Variants in NBEA observed in about 807,000 individuals in gnomAD.
NBEA encodes the protein neurobeachin.
Under a neutral mutation model 343.4 loss-of-function variants are expected in NBEA, and 44 were observed. The observed-to-expected ratio is 0.13, with a 90% CI of 0.10 to 0.16. The LOEUF (loss-of-function observed/expected upper bound fraction) is 0.16. Among genes scored for constraint, NBEA ranks in the 10% least tolerant of loss-of-function variants. NBEA has a pLI of 1.00. For missense variants in NBEA, 2,555 were observed against 3,631.3 expected, an observed-to-expected ratio of 0.70 and a Z score of 7.62; for synonymous variants, 1,175 against 1,238.7, an observed-to-expected ratio of 0.95 and a Z score of 1.08.
At chr13:35,230,034 C>G (rs1243116968) in intron 33 of NBEA, among the ~76,000 whole-genome samples, 1 of 151,810 alleles carries the variant, frequency 6.6e-6, no homozygotes, top group African/African-American at 2.4e-5. Context: ...ATTCTTTGCC[C>G]CCTATTAGAA....
intron 35 of NBEA, among the ~76,000 whole-genome samples, chr13:35,308,542 A>ATATATGTATATATG (rs1555361137): frequency 1.2e-5 from 1 of 81,946 alleles, no homozygotes; most frequent in Non-Finnish European, 2.5e-5. Context: ...GTATATATGT[A>ATATATGTATATATG]TATATATGTA....
At chr13:35,108,652 C>T (rs1349250298) in intron 11 of NBEA, among the ~76,000 whole-genome samples, 1 of 152,044 alleles carries the variant, frequency 6.6e-6, no homozygotes, top group African/African-American at 2.4e-5. Flanking sequence ...TCAATGGCCA[C>T]ATAGGGCTTC....
intron 41 of NBEA, among the ~76,000 whole-genome samples, chr13:35,505,293 T>C (rs2077034735): frequency 6.6e-6 from 1 of 152,184 alleles, no homozygotes; most frequent in Non-Finnish European, 1.5e-5. Context: ...AGCTAACTAT[T>C]ATTTCAATGA....
At chr13:35,476,385 C>G in intron 41 of NBEA, 1 of 1,157,518 alleles carries the variant, frequency 8.6e-7, no homozygotes, top group Admixed American at 2.0e-5. Context: ...TGAGCCCAGC[C>G]GTTCTTAAAG....
At chr13:35,425,794 A>C (rs946488831) in intron 38 of NBEA, among the ~76,000 whole-genome samples, 2 of 152,174 alleles carry the variant, frequency 1.3e-5, no homozygotes, top group African/African-American at 4.8e-5. Flanking sequence ...GTCTCTTTGT[A>C]GGTCACTAAG....
rs1014627015 is a variant in NBEA at position 35,171,300 on chromosome 13, A to G, written c.4271A>G (p.Gln1424Arg). ...KTELENIEVT[Q>R]GMSAETAVTF... ...GAATTGGAAAATATTGAAGTGACAC[A>G]AGGCATGTCAGCTGAGACAGCAGTA... The change falls in exon 26 of 59, where the codon CAA becomes CGA. Residue 1424 changes from glutamine (Q) to arginine (R), a missense_variant. Physicochemically the swap from Gln to Arg is conservative, Grantham distance 43. Around this residue, in one of 21 missense-constraint regions of NBEA, gnomAD observed 168 missense variants for 193.0 expected, o/e 0.87. Coordinates refer to ENST00000379939, the MANE Select transcript of NBEA (RefSeq NM_001385012.1). The G allele has an allele frequency of 1.7e-5, 28 of 1,611,948 alleles. No individual in the cohort carries two copies. The highest frequency in any genetic ancestry group is 2.4e-5 in the Non-Finnish European group (28 of 1,178,606).
At chr13:35,170,359 C>T (rs1204032871) in intron 25 of NBEA, among the ~76,000 whole-genome samples, 2 of 151,732 alleles carry the variant, frequency 1.3e-5, no homozygotes, top group Non-Finnish European at 3.0e-5. Flanking sequence ...TGTCCATTTT[C>T]AGAAAATTTA....
chr13:35,373,817 G>A (rs920021235), intron 38 of NBEA, among the ~76,000 whole-genome samples: 2 of 152,062 alleles, frequency 1.3e-5, no homozygotes, highest in Non-Finnish European at 2.9e-5. Context: ...TCATCTTCAT[G>A]TTGAGTAGGC....
intron 41 of NBEA, among the ~76,000 whole-genome samples, chr13:35,529,723 A>G (rs900675495): frequency 1.3e-5 from 2 of 152,144 alleles, no homozygotes; most frequent in Admixed American, 1.3e-4. Flanking sequence ...CCCTCGTGTC[A>G]AGTTGTATAG....
chr13:35,107,403 C>CATTGTGCTTATGTAGTAAGCACAAA (rs1415124012), intron 11 of NBEA, among the ~76,000 whole-genome samples: 3 of 151,834 alleles, frequency 2.0e-5, no homozygotes, highest in South Asian at 2.1e-4. Context: ...TAGTAAGCAC[C>CATTGTGCTTATGTAGTAAGCACAAA]ATTGGTAATT....
intron 40 of NBEA, among the ~76,000 whole-genome samples, chr13:35,459,039 T>A: frequency 1.7e-5 from 2 of 120,342 alleles, no homozygotes; most frequent in South Asian, 3.1e-4. Context: ...ACACACACAC[T>A]TACCAAGTTA....
Position 35,352,285 on chromosome 13 carries a change from C to T in NBEA, c.6141C>T (p.Leu2047=). ...NQLKQKILNI[L]TNKHGAWGAV... ...TGAAACAGAAGATTCTCAATATTCT[C>T]ACAAATAAACATGGTGCTTGGGGAG... The change falls in exon 38 of 59, where the codon CTC becomes CTT. Residue 2047 remains leucine, a synonymous_variant. Transcript: ENST00000379939. The T allele has an allele frequency of 1.3e-6, 2 of 1,539,334 alleles. No individual in the cohort carries two copies. The highest frequency in any genetic ancestry group is 4.8e-5 in the East Asian group (2 of 41,730).
At chr13:35,498,073 T>C (rs1312422640) in intron 41 of NBEA, among the ~76,000 whole-genome samples, 2 of 152,038 alleles carry the variant, frequency 1.3e-5, no homozygotes, top group Admixed American at 6.6e-5. Flanking sequence ...TTAAAGGTCA[T>C]ATGTACCAAA....
intron 1 of NBEA, among the ~76,000 whole-genome samples, chr13:35,008,753 A>G (rs1928526): frequency 0.81 from 122,912 of 152,144 alleles, 51,018 homozygotes; most frequent in Non-Finnish European, 0.9. Context: ...AAATGGAATC[A>G]TACAATATGG....
intron 38 of NBEA, among the ~76,000 whole-genome samples, chr13:35,417,293 G>C (rs988438964): frequency 1.3e-5 from 2 of 151,872 alleles, no homozygotes; most frequent in African/African-American, 2.4e-5. Context: ...GAATGTGTTT[G>C]CTCTTGCTTC....
intron 38 of NBEA, among the ~76,000 whole-genome samples, chr13:35,418,960 G>A (rs748134647): frequency 6.6e-6 from 1 of 151,684 alleles, no homozygotes; most frequent in Non-Finnish European, 1.5e-5. Flanking sequence ...GATATCTTGG[G>A]GATGGGACCC....
intron 11 of NBEA, among the ~76,000 whole-genome samples, chr13:35,104,616 A>G (rs1268814291): frequency 1.3e-5 from 2 of 151,372 alleles, no homozygotes; most frequent in Admixed American, 6.6e-5. Flanking sequence ...AGTATAGGTA[A>G]TAGAAGTTTC....
chr13:35,408,365 A>T (rs879182788), intron 38 of NBEA, among the ~76,000 whole-genome samples: 1 of 152,200 alleles, frequency 6.6e-6, no homozygotes, highest in Non-Finnish European at 1.5e-5. Flanking sequence ...TAAACTCAAG[A>T]TGGATTACAG....
chr13:35,188,011 T>G (rs1566429824), intron 30 of NBEA, among the ~76,000 whole-genome samples: 1 of 152,152 alleles, frequency 6.6e-6, no homozygotes, highest in Non-Finnish European at 1.5e-5. Context: ...CCCTTACTCC[T>G]GTAACTGAGT....
Sources: gnomAD v4.1 joint callset for allele counts (sites outside exome capture counted in the v4.1 genomes callset) on GRCh38, gnomAD v4.1.1 for gene constraint, gnomAD v4.1.1 regional missense constraint, MANE v1.5 for transcripts, NCBI Gene and HGNC (gene_info 2026-07-23, HGNC 2026-07-21) for gene names.